Variants in TSPAN33 observed in about 807,000 individuals in gnomAD.
TSPAN33 encodes the protein tetraspanin-33.
A neutral mutation model predicts 34.8 loss-of-function variants in TSPAN33; 27 were observed. The observed-to-expected ratio is 0.78, with a 90% CI of 0.57 to 1.07. TSPAN33 has a LOEUF of 1.07. Ranked by LOEUF, TSPAN33 falls within the 50% of genes least tolerant of loss-of-function variation. TSPAN33 has a pLI of 0.00. For synonymous variants in TSPAN33, 119 were observed against 124.2 expected (o/e 0.96, Z 0.28); for missense variants, 272 against 324.9 (o/e 0.84, Z 1.25).
chr7:129,145,164 G>T, intron 1 of TSPAN33, 82 bp downstream of exon 1: 2 of 548,482 alleles, frequency 3.6e-6, no homozygotes, highest in South Asian at 4.2e-5. Context: ...CCACGCGCGG[G>T]AGCCGCACTG....
chr7:129,162,642 CA>C, intron 3 of TSPAN33, 121 bp downstream of exon 3: 1 of 1,512,382 alleles, frequency 6.6e-7, no homozygotes, highest in South Asian at 1.2e-5. Context: ...GTCCACCCCT[CA>C]GTGCAGAGCT....
At chr7:129,162,331 C>T in intron 2 of TSPAN33, 63 bp from the exon 3 acceptor site, 1 of 1,597,614 alleles carries the variant, frequency 6.3e-7, no homozygotes, top group Non-Finnish European at 8.5e-7. Context: ...GGCACCCTCC[C>T]ACCCCATCCA....
At chr7:129,153,640 T>C (rs1344897735) in intron 1 of TSPAN33, among the ~76,000 whole-genome samples, 2 of 50,892 alleles carry the variant, frequency 3.9e-5, no homozygotes, top group South Asian at 1.1e-3. Flanking sequence ...ACAGTAATAG[T>C]GTATTAAAGT....
At chr7:129,146,843 C>G (rs1428859160) in intron 1 of TSPAN33, among the ~76,000 whole-genome samples, 1 of 152,132 alleles carries the variant, frequency 6.6e-6, no homozygotes, top group Non-Finnish European at 1.5e-5. Context: ...CCTTTATCTG[C>G]CGAGACTGTC....
intron 1 of TSPAN33, among the ~76,000 whole-genome samples, chr7:129,146,961 C>T (rs1810528809): frequency 6.6e-6 from 1 of 151,690 alleles, no homozygotes; most frequent in African/African-American, 2.4e-5. Context: ...CTCGAGCTTC[C>T]CTACCCCCTA....
intron 5 of TSPAN33, 116 bp from the exon 6 acceptor site, chr7:129,166,662 C>T: frequency 7.4e-7 from 1 of 1,343,262 alleles, no homozygotes; most frequent in Non-Finnish European, 1.0e-6. Flanking sequence ...TGTTAAAACA[C>T]AACCTAAAGT....
At chr7:129,160,932 G>A (rs1782066397) in intron 1 of TSPAN33, among the ~76,000 whole-genome samples, 1 of 152,158 alleles carries the variant, frequency 6.6e-6, no homozygotes, top group Non-Finnish European at 1.5e-5. Context: ...TTATTTCCAT[G>A]CATTATTTTA....
chr7:129,164,554 T>A lies in TSPAN33; in HGVS notation c.444T>A (p.Asp148Glu), dbSNP rs149932544. The A allele has an allele frequency of 3.8e-5, 61 of 1,613,600 alleles. No individual in the cohort carries two copies. Among genetic ancestry groups the A allele is most frequent in the Admixed American group, 6.7e-5 (4 of 59,974 alleles). ...ACTTGGATCTGCAGAACCTCATTGA[T>A]TTTGGCCAGAAAAAGGTATGGGTCA... ...RDDLDLQNLI[D>E]FGQKKFSCCG... Residue 148 changes from aspartate (D) to glutamate (E), a missense_variant, in exon 5 of 8, where the codon GAT (aspartate) becomes GAA (glutamate). By Grantham distance (45) the Asp-to-Glu change is conservative. Coordinates refer to ENST00000486685, the MANE Select transcript of TSPAN33 (RefSeq NM_178562.5).
Position 129,166,874 on chromosome 7 carries a change from C to G in TSPAN33, c.556C>G (p.Pro186Ala). The G allele has an allele frequency of 1.9e-6, 3 of 1,614,064 alleles. No homozygotes were observed. The highest frequency in any genetic ancestry group is 2.5e-6 in the Non-Finnish European group (3 of 1,179,994). Residue 186 changes from proline to alanine, a missense_variant, in exon 6 of 8, where the codon CCT (proline) becomes GCT (alanine). Pro to Ala is a conservative substitution (Grantham distance 27). Coordinates refer to ENST00000486685, the MANE Select transcript of TSPAN33 (RefSeq NM_178562.5). ...DNPSRERCSV[P>A]YSCCLPTPDQ... Reference sequence around the variant, plus strand: ...CCCCAGTCGAGAGCGCTGCTCTGTGCCTTACTCCTGTTGCTTGCCTACTCC... The same window carrying G: ...CCCCAGTCGAGAGCGCTGCTCTGTGGCTTACTCCTGTTGCTTGCCTACTCC...
Position 129,156,771 on chromosome 7 carries a change from C to T in TSPAN33, c.103-4908C>T, listed in dbSNP as rs1011153257. ...TTGGGGCACTACAAGATGCTCTAGGCTCATCTCGTGCCTTTCCTGCCCCCA... is the reference window on the plus strand; with the variant it reads ...TTGGGGCACTACAAGATGCTCTAGGTTCATCTCGTGCCTTTCCTGCCCCCA... On this transcript the variant is annotated intron_variant, in intron 1 of 7. Coordinates refer to ENST00000486685, the MANE Select transcript of TSPAN33 (RefSeq NM_178562.5). 3.3e-5 allele frequency among the ~76,000 whole-genome samples: 5 copies of T among 152,222 alleles called. No individual in the cohort carries two copies. In the East Asian group the frequency reaches 7.7e-4, roughly 24 times the overall value.
intron 1 of TSPAN33, among the ~76,000 whole-genome samples, chr7:129,156,342 T>A (rs147486614): frequency 6.6e-6 from 1 of 152,308 alleles, no homozygotes; most frequent in East Asian, 1.9e-4. Context: ...GTAGTGTTTA[T>A]CAGGTTCCTC....
intron 1 of TSPAN33, among the ~76,000 whole-genome samples, chr7:129,156,153 T>C (rs1810662014): frequency 6.6e-6 from 1 of 152,188 alleles, no homozygotes; most frequent in Admixed American, 6.5e-5. Flanking sequence ...TTTTGTAGAA[T>C]GTCCCTTTAT....
At chr7:129,147,273 T>G (rs1810534140) in intron 1 of TSPAN33, among the ~76,000 whole-genome samples, 2 of 152,348 alleles carry the variant, frequency 1.3e-5, no homozygotes, top group Non-Finnish European at 2.9e-5. Context: ...ACCTTAATCT[T>G]TCTCCTCTAA....
intron 1 of TSPAN33, among the ~76,000 whole-genome samples, chr7:129,153,037 C>T (rs1227302004): frequency 3.9e-5 from 4 of 103,634 alleles, no homozygotes; most frequent in African/African-American, 1.5e-4. Flanking sequence ...CCAGCCTGGG[C>T]AACAAGAGTG....
At chr7:129,156,137 C>T (rs1810661800) in intron 1 of TSPAN33, among the ~76,000 whole-genome samples, 1 of 152,072 alleles carries the variant, frequency 6.6e-6, no homozygotes, top group Non-Finnish European at 1.5e-5. Flanking sequence ...AAGTGCTGGT[C>T]AGGTATTTTG....
chr7:129,151,412 G>C (rs1476681472), intron 1 of TSPAN33, among the ~76,000 whole-genome samples: 1 of 152,080 alleles, frequency 6.6e-6, no homozygotes, highest in East Asian at 1.9e-4. Flanking sequence ...GAGCCACCAT[G>C]CCTGGCCCTA....
Position 129,167,958 on chromosome 7 carries a change from G to A in TSPAN33, c.*84G>A. On this transcript the variant is annotated 3_prime_UTR_variant, in exon 8 of 8. Coordinates refer to ENST00000486685, the MANE Select transcript of TSPAN33 (RefSeq NM_178562.5). This position sits in a 1 kb window ranked among gnomAD's most constrained non-coding sequence, Gnocchi z 4.6. ...TGGGTGCTGAAAGCAGCACCAAATG[G>A]AGATTTGGATTCCAGCCCCCCAGTG... 6.5e-7 allele frequency: 1 copy of A among 1,535,986 alleles called. No individual in the cohort carries two copies. Among genetic ancestry groups the A allele is most frequent in the South Asian group, 1.2e-5 (1 of 80,996 alleles).
At chr7:129,161,830 G>T in intron 2 of TSPAN33, 94 bp downstream of exon 2, 1 of 1,507,908 alleles carries the variant, frequency 6.6e-7, no homozygotes, top group South Asian at 1.1e-5. Flanking sequence ...AAGCTATGGG[G>T]CTAAAGGAGG....
At chr7:129,157,640 G>A (rs918191999) in intron 1 of TSPAN33, among the ~76,000 whole-genome samples, 4 of 152,110 alleles carry the variant, frequency 2.6e-5, no homozygotes, top group African/African-American at 9.7e-5. Flanking sequence ...GATTCTGATC[G>A]ACTTGGTTTG....
Sources: allele counts gnomAD v4.1 joint callset (sites outside exome capture counted in the v4.1 genomes callset), GRCh38; gene constraint gnomAD v4.1.1; non-coding constraint Gnocchi (gnomAD v3.1); transcripts MANE v1.5; gene names NCBI Gene and HGNC (gene_info 2026-07-23, HGNC 2026-07-21).